TSPEAR: variants seen among roughly 807,000 people sequenced by gnomAD.
The protein encoded by TSPEAR is thrombospondin-type laminin G domain and EAR repeat-containing protein.
TSPEAR carries 69 observed loss-of-function variants against 71.6 expected under a neutral mutation model. The observed-to-expected ratio is 0.96, with a 90% confidence interval of 0.79 to 1.18. TSPEAR has a LOEUF of 1.18. Among genes scored for constraint, TSPEAR ranks in the 50% most tolerant of loss-of-function variants. The pLI is 0.00. For missense variants in TSPEAR, 971 were observed against 894.9 expected (o/e 1.09, Z -1.09); for synonymous variants, 402 against 387.2 (o/e 1.04, Z -0.45).
rs1555931170 is a variant in TSPEAR at position 44,612,237 on chromosome 21, GC to G, written c.83-44233del. 4 of 1,613,674 alleles carry G rather than the reference GC, an allele frequency of 2.5e-6. 1 individual carries two copies. In the South Asian group the frequency reaches 4.4e-5, roughly 18 times the overall value. ...GGCTCCTCCTGGCAGGTGGACAATTGCCAGGAAAGCTGCTGCGAGCCCCGCT... is the reference window on the plus strand; with the variant it reads ...GGCTCCTCCTGGCAGGTGGACAATTGCAGGAAAGCTGCTGCGAGCCCCGCT... On this transcript the variant is annotated intron_variant, in intron 1 of 11. Transcript: ENST00000323084. This position sits in a 1 kb window ranked among gnomAD's most constrained non-coding sequence, Gnocchi z 4.1.
intron 10 of TSPEAR, among the ~76,000 whole-genome samples, chr21:44,507,732 G>T (rs2052236130): frequency 6.6e-6 from 1 of 152,166 alleles, no homozygotes; most frequent in African/African-American, 2.4e-5. Flanking sequence ...TCTCCAACTT[G>T]TCTTATTCTA....
At chr21:44,637,444 C>T (rs1173769779) in intron 1 of TSPEAR, 7 of 1,611,026 alleles carry the variant, frequency 4.3e-6, no homozygotes, top group Non-Finnish European at 5.9e-6. Flanking sequence ...TGTCCATCTG[C>T]TCCAGCGCCT....
chr21:44,601,660 T>C (rs373591799), intron 1 of TSPEAR: 155 of 1,612,896 alleles, frequency 9.6e-5, no homozygotes, highest in Non-Finnish European at 1.2e-4. Flanking sequence ...CTCCTGTGTG[T>C]CTCTCCTTTG....
chr21:44,699,383 A>AC (rs1555951227), intron 1 of TSPEAR, among the ~76,000 whole-genome samples: 1 of 150,516 alleles, frequency 6.6e-6, no homozygotes, highest in South Asian at 2.1e-4. Flanking sequence ...GTCTCAAAAA[A>AC]AAAAAAAAAA....
At chr21:44,536,996 A>G (rs2053100698) in intron 2 of TSPEAR, among the ~76,000 whole-genome samples, 1 of 152,212 alleles carries the variant, frequency 6.6e-6, no homozygotes. Context: ...ATTTAATCCA[A>G]AGAGGAATAT....
At chr21:44,503,703 C>A (rs1392854917) in intron 11 of TSPEAR, among the ~76,000 whole-genome samples, 14 of 130,388 alleles carry the variant, frequency 1.1e-4, no homozygotes, top group African/African-American at 3.4e-4. Context: ...AGGAAGCCGG[C>A]CTCGGTGAGC....
chr21:44,672,229 T>C (rs1323077694), intron 1 of TSPEAR, among the ~76,000 whole-genome samples: 1 of 152,206 alleles, frequency 6.6e-6, no homozygotes, highest in Non-Finnish European at 1.5e-5. Flanking sequence ...TATTCTAATA[T>C]TGGATGTTCC....
At chr21:44,558,264 C>A (rs1433495611) in intron 2 of TSPEAR, 1 of 1,613,892 alleles carries the variant, frequency 6.2e-7, no homozygotes, top group East Asian at 2.2e-5. Flanking sequence ...GGGTCTGCAG[C>A]AGGAGGTGGT....
chr21:44,515,969 G>C (rs972083267), intron 9 of TSPEAR: 3 of 152,248 alleles, frequency 2.0e-5, no homozygotes, highest in South Asian at 4.1e-4. Context: ...CATCCCCATG[G>C]GGCAGGCACA....
At chr21:44,613,736 A>G (rs1981880092) in intron 1 of TSPEAR, among the ~76,000 whole-genome samples, 1 of 152,190 alleles carries the variant, frequency 6.6e-6, no homozygotes, top group African/African-American at 2.4e-5. Flanking sequence ...TGATGGAGAC[A>G]AAAGCATCAT....
intron 1 of TSPEAR, chr21:44,654,683 T>C: frequency 8.8e-7 from 1 of 1,141,330 alleles, no homozygotes; most frequent in Non-Finnish European, 1.2e-6. Context: ...TTAGGTGGCC[T>C]TTATACCCAG....
chr21:44,696,070 A>G (rs969332731), intron 1 of TSPEAR, among the ~76,000 whole-genome samples: 1 of 152,218 alleles, frequency 6.6e-6, no homozygotes, highest in African/African-American at 2.4e-5. Context: ...AACCTCCTAG[A>G]ACAACCCCTC....
At chr21:44,694,852 T>C (rs1413418254) in intron 1 of TSPEAR, among the ~76,000 whole-genome samples, 1 of 152,170 alleles carries the variant, frequency 6.6e-6, no homozygotes, top group Non-Finnish European at 1.5e-5. Flanking sequence ...TCACAGAGCT[T>C]CCCGTGAGCC....
intron 2 of TSPEAR, among the ~76,000 whole-genome samples, chr21:44,566,665 CAAAT>C (rs1424537398): frequency 3.9e-5 from 6 of 152,148 alleles, no homozygotes; most frequent in African/African-American, 7.2e-5. Flanking sequence ...TATAAATAGA[CAAAT>C]GAATGAATAA....
intron 9 of TSPEAR, among the ~76,000 whole-genome samples, chr21:44,513,457 T>G (rs2052458843): frequency 6.6e-6 from 1 of 152,210 alleles, no homozygotes; most frequent in Admixed American, 6.5e-5. Flanking sequence ...TGCCAAACCC[T>G]GGCTGGCACG....
At chr21:44,515,707 G>A (rs997237458) in intron 9 of TSPEAR, 1 of 152,200 alleles carries the variant, frequency 6.6e-6, no homozygotes, top group Non-Finnish European at 1.5e-5. Context: ...TTCTGGGCTG[G>A]GCTGCCACCT....
chr21:44,511,305 A>G (rs782155976), intron 9 of TSPEAR, among the ~76,000 whole-genome samples: 60 of 152,144 alleles, frequency 3.9e-4, no homozygotes, highest in Non-Finnish European at 7.8e-4. Context: ...CTGTGCGCAC[A>G]CACACATGCA....
intron 8 of TSPEAR, among the ~76,000 whole-genome samples, chr21:44,524,120 T>C (rs1444338857): frequency 1.4e-5 from 2 of 141,530 alleles, no homozygotes; most frequent in East Asian, 2.0e-4. Context: ...GTCAGTCAGA[T>C]AGTCAGTCAG....
chr21:44,527,525 A>G lies in TSPEAR; in HGVS notation c.923-7T>C, dbSNP rs1555915116. 1.2e-6 allele frequency: 2 copies of G among 1,613,724 alleles called. No homozygotes were observed. The highest frequency in any genetic ancestry group is 1.7e-5 in the Admixed American group (1 of 60,030). ...TAGTCCAGTCTTTCTTTGGCTTGTG[A>G]TAGAAACGTTGTGACTCGGTTAAGA... On this transcript the variant is annotated splice_region_variant and splice_polypyrimidine_tract_variant and intron_variant, in intron 6 of 11. Coordinates refer to ENST00000323084, the MANE Select transcript of TSPEAR (RefSeq NM_144991.3).
Sources: allele counts gnomAD v4.1 joint callset (sites outside exome capture counted in the v4.1 genomes callset), GRCh38; gene constraint gnomAD v4.1.1; non-coding constraint Gnocchi (gnomAD v3.1); transcripts MANE v1.5; gene names NCBI Gene and HGNC (gene_info 2026-07-23, HGNC 2026-07-21).